TAF1: variants seen among roughly 807,000 people sequenced by gnomAD.
TAF1 encodes the protein transcription initiation factor TFIID subunit 1.
TAF1 carries 2 observed loss-of-function variants against 138.5 expected under a neutral mutation model. That is an observed-to-expected ratio of 0.01 (90% CI 0.01 to 0.05). The LOEUF (loss-of-function observed/expected upper bound fraction) is 0.05, where lower values mean the gene tolerates loss of function less well. Among genes scored for constraint, TAF1 ranks in the 10% least tolerant of loss-of-function variants. The probability of loss-of-function intolerance (pLI) is 1.00; values close to 1 mark genes in which losing one functional copy is unlikely to be tolerated. For synonymous variants in TAF1, 437 were observed against 503.2 expected (o/e 0.87, Z 1.76); for missense variants, 709 against 1,478.0 (o/e 0.48, Z 8.53).
intron 28 of TAF1, among the ~76,000 whole-genome samples, chrX:71,409,221 G>T (rs751571562): frequency 1.3e-4 from 14 of 109,630 alleles, no homozygotes; most frequent in Non-Finnish European, 2.5e-4. Flanking sequence ...TGTGAGACAG[G>T]ATTTCATTCC....
At chrX:71,406,512 G>C in intron 25 of TAF1, 126 bp from the exon 26 acceptor site, 2 of 586,690 alleles carry the variant, frequency 3.4e-6, no homozygotes, top group South Asian at 3.3e-5. Flanking sequence ...TTTGGCCTTT[G>C]GTTTGGCTTT....
rs2039162873 is a variant in TAF1, at chrX:71,485,962, TTTATTTA to T, written c.1366+25169_1366+25175del. On this transcript the variant is annotated intron_variant and NMD_transcript_variant, in intron 13 of 14. Coordinates refer to the TAF1 transcript ENST00000373775. ...TTTCCCCCTACGTTTTTTCTTTTTATTTATTTATTATTTATTTATTTATTTATTTTTG... is the reference window on the plus strand; with the variant it reads ...TTTCCCCCTACGTTTTTTCTTTTTATTTATTTATTTATTTATTTATTTTTG... Among the ~76,000 whole-genome samples the T allele has an allele frequency of 9.1e-5, 10 of 110,305 alleles. No individual in the cohort carries two copies. In the South Asian group the frequency reaches 3.8e-3, roughly 41 times the overall value.
At chrX:71,413,554 C>G (rs2035902531) in intron 28 of TAF1, among the ~76,000 whole-genome samples, 1 of 111,851 alleles carries the variant, frequency 8.9e-6, no homozygotes, top group Non-Finnish European at 1.9e-5. Context: ...TCCAGAAATA[C>G]TTTCTCGAAT....
chrX:71,455,273 A>C (rs2038228151), intron 34 of TAF1, among the ~76,000 whole-genome samples: 1 of 111,435 alleles, frequency 9.0e-6, no homozygotes, highest in Non-Finnish European at 1.9e-5. Context: ...ATTCCCTCAG[A>C]GATATCTCAG....
chrX:71,494,657 T>C (rs1432826506), intron 13 of TAF1, among the ~76,000 whole-genome samples: 1 of 111,762 alleles, frequency 8.9e-6, no homozygotes, highest in Non-Finnish European at 1.9e-5. Flanking sequence ...CTGCATAGTA[T>C]TGTGTCCAGA....
intron 13 of TAF1, among the ~76,000 whole-genome samples, chrX:71,476,943 CTT>C (rs771577678): frequency 9.7e-6 from 1 of 102,658 alleles, no homozygotes; most frequent in Non-Finnish European, 2.0e-5. Context: ...AAATTTTAGA[CTT>C]TTTTTTTTTT....
intron 32 of TAF1, among the ~76,000 whole-genome samples, chrX:71,453,285 G>A (rs188533963): frequency 3.9e-3 from 432 of 111,371 alleles, no homozygotes; most frequent in Non-Finnish European, 6.2e-3. Flanking sequence ...CAGGCTGGGC[G>A]TTGTGGCTCA....
At chrX:71,408,276 T>C in intron 28 of TAF1, 125 bp downstream of exon 28, 6 of 821,823 alleles carry the variant, frequency 7.3e-6, no homozygotes. Context: ...TTTGTGGGTA[T>C]GAAAATCAGG....
Position 71,368,133 on chromosome X carries a change from G to A in TAF1, c.315G>A (p.Gln105=), listed in dbSNP as rs1375782912. The A allele has an allele frequency of 2.5e-6, 3 of 1,212,065 alleles. No individual in the cohort carries two copies. Among genetic ancestry groups the A allele is most frequent in the South Asian group, 1.8e-5 (1 of 57,051 alleles). ...CAGAAGATGAAAGCCGAAGATACCA[G>A]CAGACGATGGGGAGCTTGCAGCCCC... ...EVAEDESRRY[Q]QTMGSLQPLC... The change falls in exon 3 of 38, where the codon CAG becomes CAA. Residue 105 remains glutamine, a synonymous_variant. Coordinates refer to ENST00000423759, the MANE Select transcript of TAF1 (RefSeq NM_004606.5).
At chrX:71,458,741 A>C (rs1480523514) in intron 35 of TAF1, among the ~76,000 whole-genome samples, 1 of 112,003 alleles carries the variant, frequency 8.9e-6, no homozygotes, top group Non-Finnish European at 1.9e-5. Flanking sequence ...TATAAAATTA[A>C]ATTTTAAAAA....
intron 13 of TAF1, among the ~76,000 whole-genome samples, chrX:71,504,340 C>T (rs990152819): frequency 1.8e-5 from 2 of 110,271 alleles, no homozygotes; most frequent in African/African-American, 6.6e-5. Context: ...GAACTCATTT[C>T]ATTGATAAGA....
chrX:71,502,327 G>A (rs997950241), intron 13 of TAF1, among the ~76,000 whole-genome samples: 2 of 110,853 alleles, frequency 1.8e-5, no homozygotes, highest in Admixed American at 1.9e-4. Context: ...GTGCTGATTG[G>A]TGCATTTACA....
At chrX:71,372,319 C>G (rs2033117940) in intron 3 of TAF1, among the ~76,000 whole-genome samples, 1 of 106,946 alleles carries the variant, frequency 9.4e-6, no homozygotes, top group Non-Finnish European at 1.9e-5. Context: ...GTAGTCCCAG[C>G]TACTCGGGAA....
At chrX:71,523,180 C>CAAA (rs754302629) in intron 13 of TAF1, among the ~76,000 whole-genome samples, 2 of 15,368 alleles carry the variant, frequency 1.3e-4, no homozygotes, top group East Asian at 1.6e-3. Context: ...GACTCCCTCT[C>CAAA]AAAAAAAAAA....
At chrX:71,448,391 A>G (rs1365179349) in intron 32 of TAF1, among the ~76,000 whole-genome samples, 1 of 112,120 alleles carries the variant, frequency 8.9e-6, no homozygotes, top group African/African-American at 3.2e-5. Flanking sequence ...GGAGATGGTT[A>G]TGGATCTCTG....
intron 32 of TAF1, among the ~76,000 whole-genome samples, chrX:71,449,198 G>T (rs1337182080): frequency 1.8e-5 from 2 of 111,773 alleles, no homozygotes. Context: ...CTCCATGTTG[G>T]TCAGGCTGGT....
intron 28 of TAF1, among the ~76,000 whole-genome samples, chrX:71,418,591 C>T (rs755916698): frequency 2.7e-5 from 3 of 111,987 alleles, no homozygotes; most frequent in South Asian, 7.3e-4. Context: ...CAGAGGAATA[C>T]AATCTAGCAA....
Position 71,368,046 on chromosome X carries a change from T to C in TAF1, c.236-8T>C. The stretch of plus-strand genomic sequence containing the variant: ...CTGTTGTTGCGATTCTCCCTGCTTT[T>C]TTCATAGGGTGGGTTAGGAGTACAG... On this transcript the variant is annotated splice_region_variant and splice_polypyrimidine_tract_variant and intron_variant, in intron 2 of 37. Coordinates refer to ENST00000423759, the MANE Select transcript of TAF1 (RefSeq NM_004606.5). 8.3e-7 allele frequency: 1 copy of C among 1,207,993 alleles called. No individual in the cohort carries two copies. Among genetic ancestry groups the C allele is most frequent in the Non-Finnish European group, 1.1e-6 (1 of 893,038 alleles).
chrX:71,456,963 C>A (rs750682794), intron 34 of TAF1, among the ~76,000 whole-genome samples: 1 of 111,134 alleles, frequency 9.0e-6, no homozygotes, highest in Non-Finnish European at 1.9e-5. Flanking sequence ...CCACCGCGCC[C>A]GGCCCAATAA....
Sources: gnomAD v4.1 joint callset for allele counts (sites outside exome capture counted in the v4.1 genomes callset) on GRCh38, gnomAD v4.1.1 for gene constraint, MANE v1.5 for transcripts, NCBI Gene and HGNC (gene_info 2026-07-23, HGNC 2026-07-21) for gene names.